The following DMD variants were observed in gnomAD, a reference collection of about 807,000 sequenced individuals.
DMD encodes dystrophin.
A neutral mutation model predicts 330.1 loss-of-function variants in DMD; 63 were observed. The ratio of observed to expected loss-of-function variants is 0.19; its 90% CI spans 0.16 to 0.24. The LOEUF (loss-of-function observed/expected upper bound fraction) is 0.24. Ranked by LOEUF, DMD falls within the 10% of genes least tolerant of loss-of-function variation. DMD has a pLI of 1.00. For missense variants in DMD, 3,344 were observed against 2,684.1 expected, an observed-to-expected ratio of 1.25 and a Z score of -5.43; for synonymous variants, 1,223 against 959.8, an observed-to-expected ratio of 1.27 and a Z score of -5.07.
intron 41 of DMD, among the ~76,000 whole-genome samples, chrX:32,332,795 C>G (rs979933129): frequency 9.0e-6 from 1 of 110,501 alleles, no homozygotes; most frequent in Non-Finnish European, 1.9e-5. Flanking sequence ...CAAATGTTGT[C>G]CCTGTGTATT....
At chrX:32,814,556 T>G (rs1172635986) in intron 6 of DMD, among the ~76,000 whole-genome samples, 1 of 111,672 alleles carries the variant, frequency 9.0e-6, no homozygotes, top group East Asian at 2.8e-4. Flanking sequence ...AAGGGGGAGA[T>G]GATTCATGAA....
intron 42 of DMD, among the ~76,000 whole-genome samples, chrX:32,304,846 C>T (rs1165311847): frequency 3.6e-5 from 4 of 111,229 alleles, no homozygotes; most frequent in African/African-American, 1.3e-4. Context: ...TACAAAGTCA[C>T]AATGTATTAA....
intron 53 of DMD, among the ~76,000 whole-genome samples, chrX:31,678,687 C>G (rs2082214149): frequency 9.0e-6 from 1 of 110,793 alleles, no homozygotes. Context: ...AATCCTGATA[C>G]CCACTCACCC....
chrX:31,277,373 T>C (rs1366034618), intron 62 of DMD, among the ~76,000 whole-genome samples: 2 of 111,519 alleles, frequency 1.8e-5, no homozygotes. Flanking sequence ...TTTTAAAAGG[T>C]GGGTATAATT....
chrX:32,053,470 C>T (rs1352542663), intron 44 of DMD, among the ~76,000 whole-genome samples: 1 of 111,349 alleles, frequency 9.0e-6, no homozygotes, highest in Non-Finnish European at 1.9e-5. Context: ...AGAAAAGGTA[C>T]ATTTCTTCAC....
intron 56 of DMD, among the ~76,000 whole-genome samples, chrX:31,503,549 G>T (rs370878506): frequency 5.4e-4 from 60 of 112,135 alleles, no homozygotes; most frequent in African/African-American, 1.9e-3. Flanking sequence ...AGTAAGCATA[G>T]CCCTATAAAG....
chrX:31,675,915 T>C (rs1197244018), intron 53 of DMD, among the ~76,000 whole-genome samples: 1 of 112,646 alleles, frequency 8.9e-6, no homozygotes, highest in Non-Finnish European at 1.9e-5. Flanking sequence ...TTAGCAATTA[T>C]GAATCATTAA....
chrX:32,442,256 A>G (rs1339936191), intron 27 of DMD, among the ~76,000 whole-genome samples: 1 of 111,152 alleles, frequency 9.0e-6, no homozygotes, highest in Middle Eastern at 4.2e-3. Context: ...CAGACTCAAA[A>G]TAGAAGAAAA....
At chrX:33,019,072 G>A (rs1371892403) in intron 2 of DMD, among the ~76,000 whole-genome samples, 2 of 111,534 alleles carry the variant, frequency 1.8e-5, no homozygotes, top group African/African-American at 6.5e-5. Flanking sequence ...AAGAATAGAC[G>A]ATATTCTAAA....
intron 1 of DMD, among the ~76,000 whole-genome samples, chrX:33,238,107 C>A (rs1338004838): frequency 4.4e-5 from 5 of 112,372 alleles, no homozygotes; most frequent in African/African-American, 1.3e-4. Context: ...TTGCAAAGCA[C>A]TATGGTGTGC....
chrX:32,353,709 T>G (rs776938714), intron 37 of DMD, among the ~76,000 whole-genome samples: 5 of 111,474 alleles, frequency 4.5e-5, no homozygotes, highest in African/African-American at 1.6e-4. Context: ...CTTTTCATTT[T>G]AAGAGCTTTA....
At chrX:32,783,418 C>T (rs767729530) in intron 7 of DMD, among the ~76,000 whole-genome samples, 11 of 101,916 alleles carry the variant, frequency 1.1e-4, no homozygotes, top group African/African-American at 3.9e-4. Context: ...TAGTATGTAC[C>T]CACAAAAATT....
intron 2 of DMD, among the ~76,000 whole-genome samples, chrX:32,999,273 T>G (rs189820057): frequency 1.4e-3 from 156 of 112,193 alleles, no homozygotes; most frequent in African/African-American, 4.8e-3. Context: ...TAAACTTTCT[T>G]GAAACATCAT....
intron 7 of DMD, among the ~76,000 whole-genome samples, chrX:32,715,913 T>G (rs1194544085): frequency 8.9e-6 from 1 of 112,015 alleles, no homozygotes; most frequent in African/African-American, 3.2e-5. Flanking sequence ...CTCACTTGTT[T>G]GTGGAAACTG....
chrX:32,808,562 A>C (rs1447887816), intron 7 of DMD, among the ~76,000 whole-genome samples: 2 of 109,799 alleles, frequency 1.8e-5, no homozygotes, highest in African/African-American at 6.9e-5. Flanking sequence ...CACTGGCAAA[A>C]GGCTGTCTTC....
At chrX:31,979,401 A>G (rs2095460314) in intron 44 of DMD, among the ~76,000 whole-genome samples, 1 of 111,832 alleles carries the variant, frequency 8.9e-6, no homozygotes, top group South Asian at 3.7e-4. Context: ...TCTTTATTTC[A>G]GGGACATTGT....
chrX:32,426,971 A>G (rs1413368593), intron 29 of DMD, among the ~76,000 whole-genome samples: 1 of 111,455 alleles, frequency 9.0e-6, no homozygotes, highest in African/African-American at 3.3e-5. Context: ...GAATGGGAGG[A>G]AGGGGAGGAT....
intron 43 of DMD, among the ~76,000 whole-genome samples, chrX:32,277,101 C>G (rs1481904544): frequency 9.0e-6 from 1 of 111,532 alleles, no homozygotes; most frequent in Non-Finnish European, 1.9e-5. Context: ...AAAGATATTC[C>G]ATGCCAATGG....
At chrX:31,678,487 C>T (rs1497444) in intron 53 of DMD, among the ~76,000 whole-genome samples, 36,054 of 111,142 alleles carry the variant, frequency 0.32, 4,313 homozygotes, top group East Asian at 0.45. Context: ...ACTATGCATG[C>T]TGCTTGATAA....
Sources: allele counts gnomAD v4.1 joint callset (sites outside exome capture counted in the v4.1 genomes callset), GRCh38; gene constraint gnomAD v4.1.1; transcripts MANE v1.5; gene names NCBI Gene and HGNC (gene_info 2026-07-23, HGNC 2026-07-21).